Variants in SMYD3 observed in about 807,000 individuals in gnomAD.
The protein encoded by SMYD3 is SET and MYND domain containing 3, also known as histone-lysine N-methyltransferase SMYD3.
SMYD3 carries 36 observed loss-of-function variants against 57.7 expected under a neutral mutation model. The observed-to-expected ratio is 0.62, with a 90% confidence interval of 0.48 to 0.82. The LOEUF (loss-of-function observed/expected upper bound fraction) is 0.82. Among genes scored for constraint, SMYD3 ranks in the 40% least tolerant of loss-of-function variants. SMYD3 has a pLI of 0.00. For missense variants in SMYD3, 515 were observed against 538.8 expected, an observed-to-expected ratio of 0.96 and a Z score of 0.44; for synonymous variants, 211 against 195.0, an observed-to-expected ratio of 1.08 and a Z score of -0.68.
chr1:246,209,446 A>AG (rs932816622), intron 5 of SMYD3, among the ~76,000 whole-genome samples: 1 of 152,178 alleles, frequency 6.6e-6, no homozygotes, highest in Non-Finnish European at 1.5e-5. Flanking sequence ...ATATAACAAG[A>AG]GGGGGAAAAA....
intron 5 of SMYD3, among the ~76,000 whole-genome samples, chr1:246,187,741 A>C (rs1233357644): frequency 6.6e-6 from 1 of 152,234 alleles, no homozygotes; most frequent in Non-Finnish European, 1.5e-5. Context: ...CATTGTTTGA[A>C]TAGAAAACTA....
At chr1:246,274,771 G>T (rs1030890851) in intron 5 of SMYD3, among the ~76,000 whole-genome samples, 1 of 152,014 alleles carries the variant, frequency 6.6e-6, no homozygotes, top group Non-Finnish European at 1.5e-5. Flanking sequence ...AGTAATTAAG[G>T]TCTCAGCCTT....
chr1:246,247,465 C>CTA lies in SMYD3; in HGVS notation c.531+79734_531+79735dup, dbSNP rs200687230. 2.2e-3 allele frequency among the ~76,000 whole-genome samples: 245 copies of CTA among 111,884 alleles called. 4 individuals are homozygous for CTA. The highest frequency in any genetic ancestry group is 0.014 in the South Asian group (44 of 3,046). 73.4% of individuals were successfully genotyped at this position (111,884 alleles called of 152,430 possible). On this transcript the variant is annotated intron_variant, in intron 5 of 11. Transcript: ENST00000490107. ...GATAACTCTCTCTCTCTCTCTCTCT[C>CTA]TATATATATATATATATATATTTTT... is the stretch of plus-strand genomic sequence containing the variant.
chr1:246,495,307 C>G (rs1484597248), intron 1 of SMYD3, among the ~76,000 whole-genome samples: 1 of 143,722 alleles, frequency 7.0e-6, no homozygotes, highest in East Asian at 2.2e-4. Context: ...CGAGATCATG[C>G]CACTGCACTC....
At chr1:246,257,519 T>C (rs1431338454) in intron 5 of SMYD3, among the ~76,000 whole-genome samples, 1 of 152,246 alleles carries the variant, frequency 6.6e-6, no homozygotes, top group Non-Finnish European at 1.5e-5. Context: ...TGTTGTTACC[T>C]GTGAGATGGG....
At chr1:246,500,847 C>T (rs2068445724) in intron 1 of SMYD3, among the ~76,000 whole-genome samples, 1 of 152,146 alleles carries the variant, frequency 6.6e-6, no homozygotes, top group Non-Finnish European at 1.5e-5. Flanking sequence ...ATGTTTTCAC[C>T]AGGGCTCAGC....
At position 245,929,945 on chromosome 1, in the gene SMYD3, C is replaced by T; in HGVS notation, c.532-8G>A. On this transcript the variant is annotated splice_region_variant and splice_polypyrimidine_tract_variant and intron_variant, in intron 5 of 11. Transcript: ENST00000490107. The stretch of plus-strand genomic sequence containing the variant: ...GAAAGAGTTGCAGATCACCTGTAAA[C>T]ACAAGGGGAACCATCAGTATTACTA... The T allele has an allele frequency of 6.2e-7, 1 of 1,612,716 alleles. No homozygotes were observed. Among genetic ancestry groups the T allele is most frequent in the Non-Finnish European group, 8.5e-7 (1 of 1,178,916 alleles).
At chr1:246,427,540 A>AAT (rs1553347272) in intron 1 of SMYD3, among the ~76,000 whole-genome samples, 1 of 149,994 alleles carries the variant, frequency 6.7e-6, no homozygotes, top group African/African-American at 2.4e-5. Flanking sequence ...AAAATAAAAA[A>AAT]AAATAAATGT....
chr1:246,379,268 C>A (rs1006918012), intron 1 of SMYD3, among the ~76,000 whole-genome samples: 2 of 145,950 alleles, frequency 1.4e-5, no homozygotes, highest in Admixed American at 7.2e-5. Context: ...AAGAATAAAA[C>A]TTTTAAAAAC....
chr1:246,267,678 G>C (rs1020632966), intron 5 of SMYD3, among the ~76,000 whole-genome samples: 1 of 152,148 alleles, frequency 6.6e-6, no homozygotes, highest in South Asian at 2.1e-4. Context: ...TATATTGTCA[G>C]ACCACATCTT....
At position 246,481,782 on chromosome 1, in the gene SMYD3, T is replaced by G. The variant is rs552964157; in HGVS notation, c.164+25272A>C. On this transcript the variant is annotated intron_variant, in intron 1 of 11. Coordinates refer to ENST00000490107, the MANE Select transcript of SMYD3 (RefSeq NM_001167740.2). ...TGTGTATCCATAGAAGATATATATA[T>G]ATAGAGAGAGAGAGATCGATCGATC... 9.8e-4 allele frequency among the ~76,000 whole-genome samples: 140 copies of G among 142,612 alleles called. 1 individual carries two copies. The highest frequency in any genetic ancestry group is 4.8e-3 in the South Asian group (22 of 4,606). The allele number at this position is 142,612 out of a possible 152,430, so 93.6% of individuals were successfully genotyped here.
Position 246,181,105 on chromosome 1 carries a change from T to C in SMYD3, c.531+146096A>G, listed in dbSNP as rs113163299. Among the ~76,000 whole-genome samples, 244 of 152,316 alleles carry C rather than the reference T, an allele frequency of 1.6e-3. 1 individual carries two copies. Among genetic ancestry groups the C allele is most frequent in the African/African-American group, 5.4e-3 (226 of 41,574 alleles). On this transcript the variant is annotated intron_variant, in intron 5 of 11. Transcript: ENST00000490107. ...AGAAGTGGTAGGAACCATGCGCCTC[T>C]GGGATGTGGAAACAAGTGCTCTTGT...
intron 1 of SMYD3, among the ~76,000 whole-genome samples, chr1:246,504,102 T>C (rs897572934): frequency 1.8e-4 from 27 of 152,042 alleles, no homozygotes; most frequent in Non-Finnish European, 2.4e-4. Flanking sequence ...AAAGGTAAGA[T>C]AAGCCATGAA....
intron 7 of SMYD3, among the ~76,000 whole-genome samples, chr1:245,922,096 A>G (rs1290058187): frequency 6.6e-6 from 1 of 152,232 alleles, no homozygotes; most frequent in Non-Finnish European, 1.5e-5. Flanking sequence ...ATTCTTAAGA[A>G]TGGGGCAGGG....
At chr1:246,278,856 T>A (rs139726161) in intron 5 of SMYD3, among the ~76,000 whole-genome samples, 77 of 152,300 alleles carry the variant, frequency 5.1e-4, no homozygotes, top group African/African-American at 1.8e-3. Flanking sequence ...AGAAGATACC[T>A]AAATGGTTAA....
chr1:246,198,402 G>A (rs1390946933), intron 5 of SMYD3, among the ~76,000 whole-genome samples: 1 of 152,136 alleles, frequency 6.6e-6, no homozygotes, highest in African/African-American at 2.4e-5. Flanking sequence ...ATATTCAAAT[G>A]AGCTCAACTA....
chr1:245,922,837 C>T (rs1367038040), intron 7 of SMYD3, among the ~76,000 whole-genome samples: 1 of 152,126 alleles, frequency 6.6e-6, no homozygotes, highest in South Asian at 2.1e-4. Context: ...TTAAACCTTA[C>T]ATTTTCTTCC....
At chr1:246,128,453 A>G (rs570903815) in intron 5 of SMYD3, among the ~76,000 whole-genome samples, 4 of 152,254 alleles carry the variant, frequency 2.6e-5, no homozygotes, top group Non-Finnish European at 4.4e-5. Flanking sequence ...ACAATAGCAC[A>G]TACCATTTAC....
At chr1:246,205,315 T>A in intron 5 of SMYD3, among the ~76,000 whole-genome samples, 1 of 152,352 alleles carries the variant, frequency 6.6e-6, no homozygotes, top group Non-Finnish European at 1.5e-5. Context: ...AGTGTTCCAA[T>A]GAAGTGCTCC....
Sources: allele counts gnomAD v4.1 joint callset (sites outside exome capture counted in the v4.1 genomes callset), GRCh38; gene constraint gnomAD v4.1.1; transcripts MANE v1.5; gene names NCBI Gene and HGNC (gene_info 2026-07-23, HGNC 2026-07-21).